SLC12A7: variants seen among roughly 807,000 people sequenced by gnomAD.
SLC12A7 encodes the protein K-Cl cotransporter 4.
In SLC12A7, 100 loss-of-function variants were observed where a neutral mutation model predicts 120.6. That is an observed-to-expected ratio of 0.83 (90% CI 0.71 to 0.98). The LOEUF (loss-of-function observed/expected upper bound fraction) is 0.98, where lower values mean the gene tolerates loss of function less well. Ranked by LOEUF, SLC12A7 falls within the 50% of genes least tolerant of loss-of-function variation. The probability of loss-of-function intolerance (pLI) is 0.00; values close to 1 mark genes in which losing one functional copy is unlikely to be tolerated. For missense variants in SLC12A7, 1,373 were observed against 1,548.1 expected, an observed-to-expected ratio of 0.89 and a Z score of 1.90; for synonymous variants, 760 against 678.0, an observed-to-expected ratio of 1.12 and a Z score of -1.88.
At position 1,065,661 on chromosome 5, in the gene SLC12A7, G is replaced by A. The variant is rs754902480; in HGVS notation, c.2242-183C>T. Among the ~76,000 whole-genome samples the A allele has an allele frequency of 5.9e-5, 9 of 152,150 alleles. No homozygotes were observed. In the East Asian group the frequency reaches 1.2e-3, roughly 20 times the overall value. On this transcript the variant is annotated intron_variant, in intron 17 of 23. Transcript: ENST00000264930. ...GCTGTGTGTGTATGTGTGTATGTGC[G>A]TGCTCACACACTGGGGAGAGAGACA...
chr5:1,126,201 C>T, the SLC12A7 span, among the ~76,000 whole-genome samples: 1 of 152,142 alleles, frequency 6.6e-6, no homozygotes, highest in South Asian at 2.1e-4. Context: ...GTGTCTCAGC[C>T]TCCCAAGTAG....
chr5:1,085,561 G>GGCCTCCTCCCAACAGGT, intron 6 of SLC12A7, 88 bp from the exon 7 acceptor site: 1 of 1,474,500 alleles, frequency 6.8e-7, no homozygotes, highest in Non-Finnish European at 9.0e-7. Flanking sequence ...GCCACACAGG[G>GGCCTCCTCCCAACAGGT]GCCTCCTCCC....
chr5:1,061,613 T>TGG (rs1405747536), intron 20 of SLC12A7, among the ~76,000 whole-genome samples: 1 of 151,700 alleles, frequency 6.6e-6, no homozygotes, highest in Non-Finnish European at 1.5e-5. Flanking sequence ...ACCCGGCTCA[T>TGG]GGGAGTTGGG....
chr5:1,099,755 G>C (rs1377855069), intron 1 of SLC12A7, among the ~76,000 whole-genome samples: 1 of 152,204 alleles, frequency 6.6e-6, no homozygotes, highest in Non-Finnish European at 1.5e-5. Flanking sequence ...GCTGACTCGG[G>C]AATCTCAGTT....
intron 1 of SLC12A7, among the ~76,000 whole-genome samples, chr5:1,105,731 C>T (rs1417588626): frequency 2.0e-5 from 3 of 152,214 alleles, no homozygotes; most frequent in Non-Finnish European, 4.4e-5. Context: ...AGCACTTCCC[C>T]AGCATCTGAG....
At chr5:1,077,610 C>T (rs899745802) in intron 12 of SLC12A7, among the ~76,000 whole-genome samples, 4 of 152,182 alleles carry the variant, frequency 2.6e-5, no homozygotes, top group African/African-American at 9.6e-5. Context: ...CACCCGGGGC[C>T]GAGCTCGGAG....
At chr5:1,140,127 G>A in the SLC12A7 span, among the ~76,000 whole-genome samples, 1 of 152,174 alleles carries the variant, frequency 6.6e-6, no homozygotes, top group African/African-American at 2.4e-5. Context: ...GCGCCGTCCT[G>A]CCCTCAGAAG....
At chr5:1,145,848 T>A in the SLC12A7 span, among the ~76,000 whole-genome samples, 1 of 152,050 alleles carries the variant, frequency 6.6e-6, no homozygotes, top group Non-Finnish European at 1.5e-5. The surrounding 1 kb of genome is among the most constrained non-coding windows in gnomAD (Gnocchi z 4.4). Context: ...TTTTTGGTAT[T>A]TTTTGTATTG....
the SLC12A7 span, among the ~76,000 whole-genome samples, chr5:1,130,064 C>T: frequency 4.7e-3 from 717 of 152,318 alleles, 5 homozygotes; most frequent in Non-Finnish European, 5.5e-3. Flanking sequence ...TCCTCCACGA[C>T]TTTACTTCTG....
In SLC12A7 at chr5:1,086,959, G is replaced by A; in HGVS notation, c.619C>T (p.Leu207=). 3.7e-6 allele frequency: 6 copies of A among 1,612,900 alleles called. No individual in the cohort carries two copies. Among genetic ancestry groups the A allele is most frequent in the Non-Finnish European group, 5.1e-6 (6 of 1,180,002 alleles). Residue 207 remains leucine (L), a synonymous_variant, in exon 6 of 24, where the codon CTG becomes TTG. Transcript: ENST00000264930. ...ATGGCCCCTGCAAACGTCGTGCCCA[G>A]GTAGAAGCAGAGGCCGACAGCGCCT... ...FGGAVGLCFY[L]GTTFAGAMYI... is the part of the protein sequence containing the mutation.
At position 1,065,368 on chromosome 5, in the gene SLC12A7, G is replaced by A. The variant is rs368124079; in HGVS notation, c.2352C>T (p.Gly784=). 363 of 1,612,196 alleles carry A rather than the reference G, an allele frequency of 2.3e-4. No homozygotes were observed. Among genetic ancestry groups the A allele is most frequent in the Admixed American group, 5.2e-4 (31 of 59,956 alleles). ...MSHLIQSAGL[G]GLKHNTVLMA... ...TGAGCACCGTGTTGTGCTTCAGGCCGCCCAGGCCGGCCGACTGGATCAGGT... is the reference window on the plus strand; with the variant it reads ...TGAGCACCGTGTTGTGCTTCAGGCCACCCAGGCCGGCCGACTGGATCAGGT... The change falls in exon 18 of 24, where the codon GGC becomes GGT. Residue 784 remains glycine, a synonymous_variant. Transcript: ENST00000264930.
Position 1,093,517 on chromosome 5 carries a change from G to A in SLC12A7, c.342+16C>T. ...ACGGGGCGGGGACTGGGCGGGCACG[G>A]GCAGGGTGGCAGTACCTTGGCCTCC... On this transcript the variant is annotated intron_variant, in intron 3 of 23. Transcript: ENST00000264930. The A allele has an allele frequency of 6.3e-7, 1 of 1,587,094 alleles. No homozygotes were observed. The highest frequency in any genetic ancestry group is 8.6e-7 in the Non-Finnish European group (1 of 1,168,510).
chr5:1,073,437 C>T (rs536249817), intron 17 of SLC12A7, among the ~76,000 whole-genome samples, 196 bp downstream of exon 17: 1 of 152,234 alleles, frequency 6.6e-6, no homozygotes, highest in Admixed American at 6.5e-5. Context: ...TCACACCTCC[C>T]AAGCTTCCCG....
intron 3 of SLC12A7, among the ~76,000 whole-genome samples, chr5:1,089,991 C>T (rs111548120): frequency 0.016 from 2,377 of 152,352 alleles, 66 homozygotes; most frequent in African/African-American, 0.053. Context: ...AACAGGAAAA[C>T]GTCTCAAGGT....
chr5:1,107,019 G>C (rs1214013864), intron 1 of SLC12A7, among the ~76,000 whole-genome samples: 6 of 152,216 alleles, frequency 3.9e-5, no homozygotes, highest in Non-Finnish European at 8.8e-5. Flanking sequence ...AGGTAAATGT[G>C]CAGAGTCACT....
intron 5 of SLC12A7, among the ~76,000 whole-genome samples, chr5:1,087,867 T>A (rs191193567): frequency 1.3e-5 from 2 of 152,262 alleles, no homozygotes; most frequent in African/African-American, 4.8e-5. Flanking sequence ...TACTAATTAA[T>A]ATCATCTCGG....
chr5:1,061,210 C>A (rs188837988), intron 20 of SLC12A7, among the ~76,000 whole-genome samples: 251 of 4,044 alleles, frequency 0.062, 61 homozygotes, highest in Middle Eastern at 0.5. Context: ...GGGATCCCTG[C>A]GTCTCACCCA....
chr5:1,111,440 T>A (rs1302947464), intron 1 of SLC12A7, among the ~76,000 whole-genome samples: 1 of 151,916 alleles, frequency 6.6e-6, no homozygotes, highest in African/African-American at 2.4e-5. Context: ...GGGCTAGTGT[T>A]ACCGGACGGC....
At chr5:1,060,273 C>G in intron 21 of SLC12A7, 71 bp downstream of exon 21, 1 of 1,194,744 alleles carries the variant, frequency 8.4e-7, no homozygotes, top group South Asian at 1.2e-5. Context: ...AGGAGGGTCC[C>G]AGAAAAGACT....
Sources: gnomAD v4.1 joint callset for allele counts (sites outside exome capture counted in the v4.1 genomes callset) on GRCh38, gnomAD v4.1.1 for gene constraint, Gnocchi (gnomAD v3.1) non-coding constraint, MANE v1.5 for transcripts, NCBI Gene and HGNC (gene_info 2026-07-23, HGNC 2026-07-21) for gene names.